ABTB2: variants seen among roughly 807,000 people sequenced by gnomAD.
ABTB2 encodes the protein ankyrin repeat and BTB domain containing 2, also known as ankyrin repeat and BTB/POZ domain-containing protein 2.
In ABTB2, 56 loss-of-function variants were observed where a neutral mutation model predicts 104.1. The observed-to-expected ratio is 0.54, with a 90% CI of 0.43 to 0.67. The LOEUF (loss-of-function observed/expected upper bound fraction) is 0.67, where lower values mean the gene tolerates loss of function less well. ABTB2 is among the 30% of genes least tolerant of loss of function. The pLI is 0.00. For synonymous variants in ABTB2, 606 were observed against 608.2 expected (o/e 1.00, Z 0.05); for missense variants, 1,279 against 1,407.7 (o/e 0.91, Z 1.46).
chr11:34,223,121 TA>T (rs1394491050), intron 1 of ABTB2, among the ~76,000 whole-genome samples: 1 of 152,202 alleles, frequency 6.6e-6, no homozygotes, highest in African/African-American at 2.4e-5. Context: ...TGTGGGGCTA[TA>T]AACGTCACAT....
In ABTB2 at chr11:34,181,119, T is replaced by C. The variant is rs1240960452; in HGVS notation, c.1245-7812A>G. On this transcript the variant is annotated intron_variant, in intron 3 of 16. Coordinates refer to ENST00000435224, the MANE Select transcript of ABTB2 (RefSeq NM_145804.3). ...AGGGTTTCAACATGTTGGCCAGGAT[T>C]GTCTCAATCTCTTGACCTCCTGATC... Among the ~76,000 whole-genome samples the C allele has an allele frequency of 2.0e-5, 3 of 152,052 alleles. No homozygotes were observed. In the East Asian group the frequency reaches 5.8e-4, roughly 29 times the overall value.
intron 1 of ABTB2, among the ~76,000 whole-genome samples, chr11:34,314,102 G>A (rs1024601021): frequency 1.3e-5 from 2 of 152,204 alleles, no homozygotes; most frequent in Non-Finnish European, 2.9e-5. Context: ...GCTGGTCACA[G>A]AGTGATGAGG....
chr11:34,215,448 A>G (rs904274261), intron 1 of ABTB2, among the ~76,000 whole-genome samples: 17 of 152,242 alleles, frequency 1.1e-4, no homozygotes, highest in Non-Finnish European at 2.5e-4. Flanking sequence ...GAGTATATTC[A>G]TCAGAGAATA....
chr11:34,225,228 G>A (rs1853671038), intron 1 of ABTB2, among the ~76,000 whole-genome samples: 2 of 152,230 alleles, frequency 1.3e-5, no homozygotes, highest in Non-Finnish European at 1.5e-5. Context: ...CTGCTCTGAC[G>A]CGTTAGAGCA....
At chr11:34,205,279 T>C (rs1853395796) in intron 1 of ABTB2, among the ~76,000 whole-genome samples, 1 of 152,198 alleles carries the variant, frequency 6.6e-6, no homozygotes, top group African/African-American at 2.4e-5. Flanking sequence ...TGCTGCCTTC[T>C]CCACTTCAAG....
chr11:34,336,170 T>C (rs919609816), intron 1 of ABTB2, among the ~76,000 whole-genome samples: 1 of 152,242 alleles, frequency 6.6e-6, no homozygotes, highest in African/African-American at 2.4e-5. Flanking sequence ...AGCTTATTTT[T>C]TTCACTTACT....
chr11:34,269,827 T>C (rs1854292842), intron 1 of ABTB2, among the ~76,000 whole-genome samples: 1 of 152,258 alleles, frequency 6.6e-6, no homozygotes, highest in Non-Finnish European at 1.5e-5. Flanking sequence ...CAGCCTACCA[T>C]AGCTGTCACA....
At chr11:34,283,029 C>A (rs1179276633) in intron 1 of ABTB2, among the ~76,000 whole-genome samples, 1 of 151,562 alleles carries the variant, frequency 6.6e-6, no homozygotes, top group Non-Finnish European at 1.5e-5. Context: ...CAGCCTCAGC[C>A]TCCTAAGTAG....
chr11:34,279,054 C>T (rs923667061), intron 1 of ABTB2, among the ~76,000 whole-genome samples: 16 of 152,176 alleles, frequency 1.1e-4, no homozygotes, highest in Admixed American at 3.3e-4. Context: ...ACAGGTGTTT[C>T]GTTTTCTTGC....
At chr11:34,277,358 T>G (rs1380804930) in intron 1 of ABTB2, among the ~76,000 whole-genome samples, 1 of 152,180 alleles carries the variant, frequency 6.6e-6, no homozygotes, top group Non-Finnish European at 1.5e-5. Context: ...GTCATGACCC[T>G]GGTATTTCAA....
At chr11:34,172,653 G>A (rs1295489993) in intron 4 of ABTB2, among the ~76,000 whole-genome samples, 1 of 152,050 alleles carries the variant, frequency 6.6e-6, no homozygotes, top group East Asian at 1.9e-4. Flanking sequence ...CTGAGTATCT[G>A]TGGGCAAGCT....
At chr11:34,153,659 T>G (rs956278002) in intron 16 of ABTB2, among the ~76,000 whole-genome samples, 6 of 152,158 alleles carry the variant, frequency 3.9e-5, no homozygotes, top group Admixed American at 1.3e-4. Flanking sequence ...TTTTGAACTT[T>G]TGAAAGAAGC....
At chr11:34,226,267 C>A (rs4756117) in intron 1 of ABTB2, among the ~76,000 whole-genome samples, 1 of 147,166 alleles carries the variant, frequency 6.8e-6, no homozygotes, top group Non-Finnish European at 1.5e-5. Flanking sequence ...CTCAAATAAA[C>A]ATTGGGAATA....
intron 3 of ABTB2, among the ~76,000 whole-genome samples, chr11:34,183,964 A>G (rs527539316): frequency 6.6e-6 from 1 of 152,068 alleles, no homozygotes; most frequent in Non-Finnish European, 1.5e-5. Flanking sequence ...CCCAGGCTGG[A>G]GTGCAGTGGT....
At chr11:34,290,156 G>A (rs1000135378) in intron 1 of ABTB2, among the ~76,000 whole-genome samples, 2 of 152,140 alleles carry the variant, frequency 1.3e-5, no homozygotes, top group East Asian at 3.9e-4. Flanking sequence ...AGATGAAACC[G>A]AAATAATCAA....
At chr11:34,232,453 A>AAAAAAAAAC (rs1319018662) in intron 1 of ABTB2, among the ~76,000 whole-genome samples, 14 of 151,274 alleles carry the variant, frequency 9.3e-5, no homozygotes, top group Non-Finnish European at 2.1e-4. Flanking sequence ...CTGTCTCAAA[A>AAAAAAAAAC]AAAAAAAAAA....
intron 1 of ABTB2, among the ~76,000 whole-genome samples, chr11:34,242,177 T>C (rs1853926974): frequency 6.6e-6 from 1 of 152,292 alleles, no homozygotes; most frequent in Admixed American, 6.5e-5. Flanking sequence ...GATTCGGTCA[T>C]GCTTGTGATG....
intron 1 of ABTB2, among the ~76,000 whole-genome samples, chr11:34,322,964 C>T (rs1309209749): frequency 6.6e-6 from 1 of 152,210 alleles, no homozygotes; most frequent in East Asian, 1.9e-4. Context: ...GGCTGGAGTG[C>T]AGTGGCACGA....
At chr11:34,327,429 C>A (rs1278197349) in intron 1 of ABTB2, among the ~76,000 whole-genome samples, 3 of 152,148 alleles carry the variant, frequency 2.0e-5, no homozygotes, top group Non-Finnish European at 4.4e-5. Flanking sequence ...ACCCCCCTAG[C>A]CACTTGAGGG....
Sources: gnomAD v4.1 joint callset for allele counts (sites outside exome capture counted in the v4.1 genomes callset) on GRCh38, gnomAD v4.1.1 for gene constraint, MANE v1.5 for transcripts, NCBI Gene and HGNC (gene_info 2026-07-23, HGNC 2026-07-21) for gene names.